Variants in HERPUD2 observed in about 807,000 individuals in gnomAD.
HERPUD2 encodes the protein HERPUD family member 2.
Under a neutral mutation model 49.9 loss-of-function variants are expected in HERPUD2, and 13 were observed. The observed-to-expected ratio is 0.26, with a 90% CI of 0.17 to 0.41. HERPUD2 has a LOEUF of 0.41. Among genes scored for constraint, HERPUD2 ranks in the 10% least tolerant of loss-of-function variants. HERPUD2 has a pLI of 1.00. For synonymous variants in HERPUD2, 172 were observed against 171.4 expected (o/e 1.00, Z -0.03); for missense variants, 449 against 492.2 (o/e 0.91, Z 0.83).
intron 2 of HERPUD2, among the ~76,000 whole-genome samples, chr7:35,677,436 C>T (rs1785787674): frequency 6.6e-6 from 1 of 152,122 alleles, no homozygotes; most frequent in South Asian, 2.1e-4. Flanking sequence ...TTCTATTTAT[C>T]TCTATATTTC....
rs563657926 is a variant in HERPUD2, at chr7:35,656,362, T to C, written c.494+11072A>G. Among the ~76,000 whole-genome samples the C allele has an allele frequency of 7.1e-4, 108 of 152,154 alleles. 2 individuals are homozygous for C. The highest frequency in any genetic ancestry group is 4.4e-5 in the Non-Finnish European group (3 of 68,006). On this transcript the variant is annotated intron_variant, in intron 5 of 8. Transcript: ENST00000311350. ...CAACTGGAAAGACACCCTATGCTCA[T>C]GAATCAGAAGAGCTCATATCATTAA...
intron 4 of HERPUD2, chr7:35,668,437 A>G (rs1785584522): frequency 6.5e-6 from 1 of 152,820 alleles, no homozygotes; most frequent in South Asian, 2.1e-4. Context: ...GTACATTTAA[A>G]ACACAATTAC....
intron 2 of HERPUD2, among the ~76,000 whole-genome samples, chr7:35,688,417 C>T (rs558723760): frequency 2.0e-5 from 3 of 152,344 alleles, no homozygotes; most frequent in South Asian, 2.1e-4. Context: ...TGCTTCCACT[C>T]ATGGGTAGAG....
chr7:35,660,893 T>C (rs144552142), intron 5 of HERPUD2, among the ~76,000 whole-genome samples: 2,048 of 152,350 alleles, frequency 0.013, 42 homozygotes, highest in East Asian at 0.072. Flanking sequence ...TTAGATCCCA[T>C]TGGTCAATTT....
rs746682337 is a variant in HERPUD2, at chr7:35,635,282, G to A, written c.794C>T (p.Pro265Leu). 6.2e-7 allele frequency: 1 copy of A among 1,614,110 alleles called. No homozygotes were observed. Among genetic ancestry groups the A allele is most frequent in the South Asian group, 1.1e-5 (1 of 91,074 alleles). The change falls in exon 7 of 9, where the codon CCA (proline) becomes CTA (leucine). Residue 265 changes from proline to leucine, a missense_variant. Coordinates refer to ENST00000311350, the MANE Select transcript of HERPUD2 (RefSeq NM_022373.5). ...ATTGAAGTCTTCTTCATTTAGTACT[G>A]GACCTCCCTGTGCATTCATTTGAAC... ...ENVQMNAQGG[P>L]VLNEEDFNRD...
chr7:35,660,144 T>C (rs1785380466), intron 5 of HERPUD2, among the ~76,000 whole-genome samples: 1 of 152,216 alleles, frequency 6.6e-6, no homozygotes, highest in Non-Finnish European at 1.5e-5. Context: ...TTTCTGTCCT[T>C]GCGATAGTTT....
intron 6 of HERPUD2, among the ~76,000 whole-genome samples, chr7:35,637,079 A>G (rs544524887): frequency 9.2e-5 from 14 of 152,000 alleles, no homozygotes; most frequent in Non-Finnish European, 1.8e-4. Flanking sequence ...GTTGCAGTGA[A>G]CCAAGATTAT....
chr7:35,672,618 G>A (rs775410511), intron 3 of HERPUD2, among the ~76,000 whole-genome samples: 1 of 152,050 alleles, frequency 6.6e-6, no homozygotes, highest in Non-Finnish European at 1.5e-5. Context: ...CATTTCAAAT[G>A]CTGAAAAGCT....
intron 5 of HERPUD2, among the ~76,000 whole-genome samples, chr7:35,642,129 C>T (rs1784975975): frequency 6.6e-6 from 1 of 151,746 alleles, no homozygotes; most frequent in African/African-American, 2.4e-5. Context: ...AATAGAAAAA[C>T]ATTTAAAAAG....
At chr7:35,663,831 G>T (rs1785482443) in intron 5 of HERPUD2, among the ~76,000 whole-genome samples, 1 of 152,006 alleles carries the variant, frequency 6.6e-6, no homozygotes, top group African/African-American at 2.4e-5. Flanking sequence ...ACAGCAGATG[G>T]GTCTTGACTC....
chr7:35,678,779 T>G (rs755584967), intron 2 of HERPUD2, among the ~76,000 whole-genome samples: 9 of 152,216 alleles, frequency 5.9e-5, no homozygotes, highest in Non-Finnish European at 1.0e-4. Context: ...TACCAACTAC[T>G]TCTAGATGTT....
intron 5 of HERPUD2, among the ~76,000 whole-genome samples, chr7:35,655,356 T>A (rs1583549100): frequency 1.3e-5 from 2 of 151,762 alleles, no homozygotes; most frequent in East Asian, 1.9e-4. Context: ...CAACAGCACA[T>A]CAAAAAGAGA....
At chr7:35,651,417 C>T (rs1006646884) in intron 5 of HERPUD2, among the ~76,000 whole-genome samples, 39 of 152,158 alleles carry the variant, frequency 2.6e-4, no homozygotes, top group Non-Finnish European at 4.9e-4. Context: ...AGCAAAACTT[C>T]ACCACAGCCT....
chr7:35,635,500 CT>C (rs1156396482), intron 6 of HERPUD2, 42 bp from the exon 7 acceptor site: 2 of 1,481,908 alleles, frequency 1.3e-6, no homozygotes, highest in Non-Finnish European at 1.8e-6. Context: ...GAAAAAAAAA[CT>C]TTACCATACC....
intron 5 of HERPUD2, among the ~76,000 whole-genome samples, chr7:35,656,792 G>A (rs1204716986): frequency 2.0e-5 from 3 of 152,078 alleles, no homozygotes; most frequent in African/African-American, 7.2e-5. Flanking sequence ...AAATGGTGCT[G>A]GAAAAACTGG....
intron 2 of HERPUD2, among the ~76,000 whole-genome samples, chr7:35,679,794 A>C (rs904206960): frequency 5.9e-5 from 9 of 152,168 alleles, no homozygotes; most frequent in African/African-American, 1.9e-4. Flanking sequence ...AAATTCTACA[A>C]TGCATTTCAA....
chr7:35,671,093 A>G (rs1400694490), intron 3 of HERPUD2, among the ~76,000 whole-genome samples: 2 of 152,094 alleles, frequency 1.3e-5, no homozygotes, highest in East Asian at 1.9e-4. Flanking sequence ...AAGAAAAAGG[A>G]GCAGAAAGAA....
At chr7:35,691,166 C>T (rs1482302513) in intron 2 of HERPUD2, among the ~76,000 whole-genome samples, 1 of 151,934 alleles carries the variant, frequency 6.6e-6, no homozygotes, top group Non-Finnish European at 1.5e-5. Context: ...AAATGAAGAC[C>T]CAAAAAAATG....
At chr7:35,690,848 G>C (rs1786167141) in intron 2 of HERPUD2, among the ~76,000 whole-genome samples, 1 of 152,014 alleles carries the variant, frequency 6.6e-6, no homozygotes, top group Non-Finnish European at 1.5e-5. Context: ...GAAGCTATCA[G>C]AGTCTGATTC....
Sources: allele counts gnomAD v4.1 joint callset (sites outside exome capture counted in the v4.1 genomes callset), GRCh38; gene constraint gnomAD v4.1.1; transcripts MANE v1.5; gene names NCBI Gene and HGNC (gene_info 2026-07-23, HGNC 2026-07-21).